The following ARHGAP15 variants were observed in gnomAD, a reference collection of about 807,000 sequenced individuals.
ARHGAP15 encodes Rho GTPase activating protein 15.
ARHGAP15 carries 51 observed loss-of-function variants against 63.7 expected under a neutral mutation model. The observed-to-expected ratio is 0.80, with a 90% CI of 0.64 to 1.01. The LOEUF is 1.01. Among genes scored for constraint, ARHGAP15 ranks in the 50% least tolerant of loss-of-function variants. The pLI is 0.00. For missense variants in ARHGAP15, 560 were observed against 564.6 expected, an observed-to-expected ratio of 0.99 and a Z score of 0.08; for synonymous variants, 191 against 193.8, an observed-to-expected ratio of 0.99 and a Z score of 0.12.
chr2:143,148,062 G>A (rs959036911), intron 1 of ARHGAP15, among the ~76,000 whole-genome samples: 2 of 151,928 alleles, frequency 1.3e-5, no homozygotes, highest in Admixed American at 1.3e-4. Context: ...GTTCTCCTAA[G>A]GCAGCCTTAA....
At chr2:143,207,836 A>G (rs1692401317) in intron 3 of ARHGAP15, among the ~76,000 whole-genome samples, 1 of 152,164 alleles carries the variant, frequency 6.6e-6, no homozygotes, top group Non-Finnish European at 1.5e-5. Flanking sequence ...TATCGTTCAC[A>G]TTGACACTTG....
intron 12 of ARHGAP15, chr2:143,648,876 C>A (rs1456434264): frequency 6.6e-6 from 1 of 151,870 alleles, no homozygotes; most frequent in African/African-American, 2.4e-5. Context: ...TTTTGCCATT[C>A]TGGGAGTGAA....
At chr2:143,685,258 G>A (rs573501864) in intron 12 of ARHGAP15, among the ~76,000 whole-genome samples, 12 of 152,240 alleles carry the variant, frequency 7.9e-5, no homozygotes, top group South Asian at 4.2e-4. Context: ...TAATACCACC[G>A]GCTCCTCTGA....
intron 12 of ARHGAP15, among the ~76,000 whole-genome samples, chr2:143,628,482 C>G (rs144020758): frequency 4.6e-5 from 7 of 152,318 alleles, no homozygotes; most frequent in Non-Finnish European, 1.0e-4. Context: ...AGAGAGAAGA[C>G]AAAGGCCAGC....
intron 5 of ARHGAP15, chr2:143,237,097 A>G (rs1693683457): frequency 2.0e-5 from 3 of 152,156 alleles, no homozygotes. Flanking sequence ...TTTTGTAACC[A>G]ATATGAAATA....
intron 6 of ARHGAP15, among the ~76,000 whole-genome samples, chr2:143,257,961 C>A (rs9630911): frequency 6.6e-6 from 1 of 151,962 alleles, no homozygotes; most frequent in Non-Finnish European, 1.5e-5. Context: ...GTTTCAATAT[C>A]TTTTATTTTT....
chr2:143,617,037 T>C (rs1698479522), intron 11 of ARHGAP15, among the ~76,000 whole-genome samples: 1 of 152,214 alleles, frequency 6.6e-6, no homozygotes, highest in Non-Finnish European at 1.5e-5. Context: ...GATTTTATTC[T>C]TTCTCTGGAG....
At chr2:143,437,894 C>T (rs917220459) in intron 8 of ARHGAP15, among the ~76,000 whole-genome samples, 2 of 152,010 alleles carry the variant, frequency 1.3e-5, no homozygotes, top group East Asian at 3.9e-4. Flanking sequence ...CATGGTGGCA[C>T]GTGCCTGTAA....
intron 6 of ARHGAP15, among the ~76,000 whole-genome samples, chr2:143,321,816 CTCAGAAGTAGCT>C (rs1684037455): frequency 6.6e-6 from 1 of 152,116 alleles, no homozygotes; most frequent in African/African-American, 2.4e-5. Flanking sequence ...CCACCTCAGC[CTCAGAAGTAGCT>C]GGGACCACCG....
chr2:143,175,980 A>C (rs1690995729), intron 2 of ARHGAP15, among the ~76,000 whole-genome samples: 1 of 152,204 alleles, frequency 6.6e-6, no homozygotes, highest in Non-Finnish European at 1.5e-5. Flanking sequence ...TATGTTATAC[A>C]TTGAAAATAA....
chr2:143,515,749 A>G (rs1249956993), intron 9 of ARHGAP15, among the ~76,000 whole-genome samples: 1 of 152,202 alleles, frequency 6.6e-6, no homozygotes, highest in African/African-American at 2.4e-5. Context: ...AACAAGAAAG[A>G]AGGTGGGAGA....
chr2:143,377,691 T>C (rs573118683), intron 6 of ARHGAP15, among the ~76,000 whole-genome samples: 1 of 152,000 alleles, frequency 6.6e-6, no homozygotes, highest in East Asian at 1.9e-4. Context: ...TGAGTTGGAG[T>C]TTTGTAATTA....
At chr2:143,221,298 A>G (rs1367768417) in intron 4 of ARHGAP15, among the ~76,000 whole-genome samples, 4 of 152,102 alleles carry the variant, frequency 2.6e-5, no homozygotes, top group Non-Finnish European at 4.4e-5. Flanking sequence ...AGAAAATTTA[A>G]CTTATCTCTG....
At position 143,275,762 on chromosome 2, in the gene ARHGAP15, G is replaced by T. The variant is rs958252089; in HGVS notation, c.474+25162G>T. 2.6e-5 allele frequency among the ~76,000 whole-genome samples: 4 copies of T among 152,268 alleles called. No homozygotes were observed. The East Asian group carries it at 7.7e-4, about 29-fold the overall frequency. ...TCCTCTGATACGCTGGTTTGCTTGT[G>T]TCTGTACTCTTTTGGTGATATGTGA... is the stretch of plus-strand genomic sequence containing the variant. On this transcript the variant is annotated intron_variant, in intron 6 of 13. Coordinates refer to ENST00000295095, the MANE Select transcript of ARHGAP15 (RefSeq NM_018460.4).
rs1683941923 is a variant in ARHGAP15 at position 143,320,193 on chromosome 2, A to T, written c.474+69593A>T. Among the ~76,000 whole-genome samples, 4 of 152,212 alleles carry T rather than the reference A, an allele frequency of 2.6e-5. No individual in the cohort carries two copies. In the South Asian group the frequency reaches 8.3e-4, roughly 32 times the overall value. ...ATATAAACTACATGACCTGATTAGG[A>T]TTCTTTAGCTGCATCAATTCTGTCT... On this transcript the variant is annotated intron_variant, in intron 6 of 13. Transcript: ENST00000295095.
intron 6 of ARHGAP15, among the ~76,000 whole-genome samples, chr2:143,380,873 CATT>C (rs1324602693): frequency 6.6e-6 from 1 of 152,078 alleles, no homozygotes; most frequent in African/African-American, 2.4e-5. Flanking sequence ...ACATTTAACA[CATT>C]ATAGAATTCA....
chr2:143,386,575 C>T (rs1687295783), intron 6 of ARHGAP15, among the ~76,000 whole-genome samples: 1 of 152,092 alleles, frequency 6.6e-6, no homozygotes, highest in Admixed American at 6.5e-5. Context: ...AGTTAGAATA[C>T]CTTTTTTCAC....
chr2:143,683,329 AT>A (rs1399127334), intron 12 of ARHGAP15, among the ~76,000 whole-genome samples: 2 of 152,164 alleles, frequency 1.3e-5, no homozygotes, highest in East Asian at 3.9e-4. Flanking sequence ...AACATGGCCT[AT>A]TTTGCTAGCA....
intron 6 of ARHGAP15, among the ~76,000 whole-genome samples, chr2:143,393,534 C>T (rs560544895): frequency 5.3e-5 from 8 of 152,068 alleles, no homozygotes; most frequent in South Asian, 4.1e-4. Flanking sequence ...GAGATCAAGA[C>T]GATCCTGACC....
Sources: gnomAD v4.1 joint callset for allele counts (sites outside exome capture counted in the v4.1 genomes callset) on GRCh38, gnomAD v4.1.1 for gene constraint, MANE v1.5 for transcripts, NCBI Gene and HGNC (gene_info 2026-07-23, HGNC 2026-07-21) for gene names.